The following ZNF423 variants were observed in gnomAD, a reference collection of about 807,000 sequenced individuals.
The protein encoded by ZNF423 is Ebf-associated zinc finger protein.
ZNF423 carries 12 observed loss-of-function variants against 95.8 expected under a neutral mutation model. That is an observed-to-expected ratio of 0.13 (90% CI 0.08 to 0.20). The LOEUF (loss-of-function observed/expected upper bound fraction) is 0.20. Among genes scored for constraint, ZNF423 ranks in the 10% least tolerant of loss-of-function variants. ZNF423 has a pLI of 1.00. For synonymous variants in ZNF423, 749 were observed against 711.9 expected (o/e 1.05, Z -0.83); for missense variants, 1,316 against 1,737.1 (o/e 0.76, Z 4.31).
At chr16:49,639,139 A>AC (rs1414552035) in intron 3 of ZNF423, among the ~76,000 whole-genome samples, 1 of 151,824 alleles carries the variant, frequency 6.6e-6, no homozygotes, top group Non-Finnish European at 1.5e-5. Context: ...AGGACATGAT[A>AC]CCCCCCATCA....
chr16:49,623,998 TCATACACCACTGGTGGGGGCGTTAAGTC>T (rs1972171491), intron 5 of ZNF423, among the ~76,000 whole-genome samples: 1 of 152,200 alleles, frequency 6.6e-6, no homozygotes, highest in African/African-American at 2.4e-5. Flanking sequence ...ACTCCAACTC[TCATACACCACTGGTGGGGGCGTTAAGTC>T]CATACAACCA....
chr16:49,748,419 A>G (rs1406217251), intron 2 of ZNF423, among the ~76,000 whole-genome samples: 3 of 152,314 alleles, frequency 2.0e-5, no homozygotes, highest in African/African-American at 7.2e-5. Context: ...GTCATGGCTG[A>G]GGCTGGAAAA....
intron 5 of ZNF423, among the ~76,000 whole-genome samples, chr16:49,609,297 A>G (rs947983384): frequency 6.6e-6 from 1 of 152,244 alleles, no homozygotes; most frequent in Admixed American, 6.5e-5. Context: ...ATTATGTAAT[A>G]CATAAAGATT....
chr16:49,720,295 C>T (rs1236764685), intron 3 of ZNF423, among the ~76,000 whole-genome samples: 2 of 152,174 alleles, frequency 1.3e-5, no homozygotes, highest in African/African-American at 2.4e-5. Flanking sequence ...ACAGTGAGCT[C>T]GATGTGGCAT....
chr16:49,753,815 GAGGTC>G (rs1164187727), intron 2 of ZNF423, among the ~76,000 whole-genome samples: 1 of 152,120 alleles, frequency 6.6e-6, no homozygotes, highest in Non-Finnish European at 1.5e-5. Context: ...CGGATCACCT[GAGGTC>G]AGGAGTTCGA....
intron 1 of ZNF423, among the ~76,000 whole-genome samples, chr16:49,820,539 G>A (rs1314295302): frequency 6.6e-6 from 1 of 152,104 alleles, no homozygotes; most frequent in Non-Finnish European, 1.5e-5. Flanking sequence ...TTAATAAGGA[G>A]AAATAATTAA....
At chr16:49,556,818 T>C (rs142204421) in intron 5 of ZNF423, among the ~76,000 whole-genome samples, 62 of 152,370 alleles carry the variant, frequency 4.1e-4, no homozygotes, top group African/African-American at 1.4e-3. Flanking sequence ...TAAACTACTG[T>C]GCTTTCTTGA....
rs558975399 is a variant in ZNF423 at position 49,559,188 on chromosome 16, G to A, written c.3602-33694C>T. 4.6e-5 allele frequency among the ~76,000 whole-genome samples: 7 copies of A among 152,376 alleles called. No individual in the cohort carries two copies. In the South Asian group the frequency reaches 1.4e-3, roughly 32 times the overall value. On this transcript the variant is annotated intron_variant, in intron 5 of 7. Transcript: ENST00000563137. ...ATGGACAGAGAAAGCGAGTCCCAGA[G>A]AGGTCTACTGACTTATCTGTGGCTT...
chr16:49,555,704 G>A (rs1221350054), intron 5 of ZNF423, among the ~76,000 whole-genome samples: 1 of 152,214 alleles, frequency 6.6e-6, no homozygotes, highest in Non-Finnish European at 1.5e-5. Context: ...ATGGTAGATG[G>A]TAGATGGAAG....
At chr16:49,784,418 A>C (rs748657839) in intron 2 of ZNF423, among the ~76,000 whole-genome samples, 4 of 152,178 alleles carry the variant, frequency 2.6e-5, no homozygotes, top group Non-Finnish European at 4.4e-5. Flanking sequence ...AGCTCTATTC[A>C]CAATAGCCAG....
chr16:49,711,351 A>G (rs1000531202), intron 3 of ZNF423: 4 of 152,348 alleles, frequency 2.6e-5, no homozygotes, highest in African/African-American at 9.6e-5. Context: ...CACACTACGC[A>G]AGCCCCACAG....
chr16:49,523,865 C>T (rs1010737786), intron 6 of ZNF423, 126 bp from the exon 7 acceptor site: 10 of 718,384 alleles, frequency 1.4e-5, no homozygotes, highest in Non-Finnish European at 2.4e-5. Flanking sequence ...AAACAGTGGG[C>T]TACTGGGAGT....
chr16:49,651,967 C>A (rs1294023155), intron 3 of ZNF423, among the ~76,000 whole-genome samples: 1 of 152,182 alleles, frequency 6.6e-6, no homozygotes, highest in Non-Finnish European at 1.5e-5. Context: ...TCAGAGGGCC[C>A]CTGCCATTTA....
chr16:49,497,019 T>C (rs554140744), intron 7 of ZNF423, among the ~76,000 whole-genome samples: 1 of 152,150 alleles, frequency 6.6e-6, no homozygotes, highest in Non-Finnish European at 1.5e-5. Flanking sequence ...GTCCTGCCCT[T>C]GGAACAACAG....
intron 1 of ZNF423, among the ~76,000 whole-genome samples, chr16:49,815,688 C>A (rs1042313853): frequency 3.3e-5 from 5 of 151,414 alleles, no homozygotes; most frequent in Non-Finnish European, 5.9e-5. Flanking sequence ...GCTTGATGCA[C>A]ACAACAGGGA....
intron 1 of ZNF423, among the ~76,000 whole-genome samples, chr16:49,801,771 C>G (rs956129612): frequency 6.6e-6 from 1 of 152,194 alleles, no homozygotes; most frequent in Admixed American, 6.5e-5. Context: ...CATTTATTAA[C>G]CCCATTTTAC....
chr16:49,626,300 G>A lies in ZNF423; in HGVS notation c.3517-46C>T, dbSNP rs750728063. The A allele has an allele frequency of 3.8e-6, 6 of 1,596,666 alleles. No homozygotes were observed. The South Asian group carries it at 4.4e-5, about 12-fold the overall frequency. On this transcript the variant is annotated intron_variant, in intron 4 of 7. Coordinates refer to ENST00000563137, the MANE Select transcript of ZNF423 (RefSeq NM_001379286.1). ...AAAGATTTAGAGAGGCAGGAGGTAGGAAAAAGGAGAAAGCAAAAGTTCCTA... is the reference window on the plus strand; with the variant it reads ...AAAGATTTAGAGAGGCAGGAGGTAGAAAAAAGGAGAAAGCAAAAGTTCCTA...
chr16:49,740,075 C>T (rs1179625452), intron 2 of ZNF423, among the ~76,000 whole-genome samples: 1 of 151,986 alleles, frequency 6.6e-6, no homozygotes, highest in Non-Finnish European at 1.5e-5. Context: ...TGTTATGTTG[C>T]CTAGGCTGGT....
At chr16:49,726,844 A>G (rs1051301274) in intron 3 of ZNF423, among the ~76,000 whole-genome samples, 3 of 113,648 alleles carry the variant, frequency 2.6e-5, no homozygotes, top group African/African-American at 1.0e-4. Flanking sequence ...TAAAAGACAG[A>G]GTTCCCCCTA....
Sources: allele counts gnomAD v4.1 joint callset (sites outside exome capture counted in the v4.1 genomes callset), GRCh38; gene constraint gnomAD v4.1.1; transcripts MANE v1.5; gene names NCBI Gene and HGNC (gene_info 2026-07-23, HGNC 2026-07-21).